TMEM132B: variants seen among roughly 807,000 people sequenced by gnomAD.
The protein encoded by TMEM132B is transmembrane protein 132B.
Under a neutral mutation model 90.8 loss-of-function variants are expected in TMEM132B, and 18 were observed. The observed-to-expected ratio is 0.20, with a 90% CI of 0.14 to 0.29. The LOEUF (loss-of-function observed/expected upper bound fraction) is 0.29. Ranked by LOEUF, TMEM132B falls within the 10% of genes least tolerant of loss-of-function variation. TMEM132B has a pLI of 1.00. For missense variants in TMEM132B, 1,096 were observed against 1,326.8 expected, an observed-to-expected ratio of 0.83 and a Z score of 2.70; for synonymous variants, 504 against 523.3, an observed-to-expected ratio of 0.96 and a Z score of 0.50.
intron 1 of TMEM132B, among the ~76,000 whole-genome samples, chr12:125,225,962 G>A (rs947782021): frequency 1.3e-5 from 2 of 152,152 alleles, no homozygotes; most frequent in Admixed American, 1.3e-4. Flanking sequence ...AGGTTTTCTA[G>A]TATAATAATT....
chr12:125,365,809 A>C (rs188267074), intron 2 of TMEM132B, among the ~76,000 whole-genome samples: 10 of 152,244 alleles, frequency 6.6e-5, no homozygotes, highest in Non-Finnish European at 1.2e-4. Context: ...ATGTGTAATT[A>C]TCAAATCAGG....
intron 2 of TMEM132B, among the ~76,000 whole-genome samples, chr12:125,413,203 A>G (rs1348512074): frequency 6.6e-6 from 1 of 152,020 alleles, no homozygotes; most frequent in Non-Finnish European, 1.5e-5. Flanking sequence ...GAACTCTACC[A>G]TGAGAGGCTG....
At chr12:125,381,260 G>A (rs1310010234) in intron 2 of TMEM132B, among the ~76,000 whole-genome samples, 3 of 152,200 alleles carry the variant, frequency 2.0e-5, no homozygotes. Flanking sequence ...GTGCACGCAA[G>A]CTGTGCATGT....
At chr12:125,533,410 C>G (rs902454192) in intron 4 of TMEM132B, among the ~76,000 whole-genome samples, 1 of 152,194 alleles carries the variant, frequency 6.6e-6, no homozygotes, top group Admixed American at 6.5e-5. Flanking sequence ...ACAGCCTCTC[C>G]CCTTCCCAGG....
At chr12:125,576,233 G>A (rs557544628) in intron 4 of TMEM132B, among the ~76,000 whole-genome samples, 15 of 151,876 alleles carry the variant, frequency 9.9e-5, no homozygotes, top group Admixed American at 3.3e-4. Flanking sequence ...TATTAATTTC[G>A]ATGCTGTTAT....
chr12:125,361,585 G>A (rs957166240), intron 2 of TMEM132B, among the ~76,000 whole-genome samples: 1 of 152,152 alleles, frequency 6.6e-6, no homozygotes, highest in African/African-American at 2.4e-5. Flanking sequence ...CAACCTTGGA[G>A]CCCAGATCAA....
chr12:125,281,948 A>G lies in TMEM132B; in HGVS notation c.68-67504A>G, dbSNP rs1875192255. 2.0e-5 allele frequency among the ~76,000 whole-genome samples: 3 copies of G among 146,410 alleles called. No homozygotes were observed. In the South Asian group the frequency reaches 6.7e-4, roughly 33 times the overall value. On this transcript the variant is annotated intron_variant, in intron 1 of 8. Transcript: ENST00000682704. ...GAGGCTGAGGCAGGAGAATGGCGTG[A>G]ACCCGGGAGGCGGAGGTTGCAGTGA...
chr12:125,390,926 G>T (rs1878991932), intron 2 of TMEM132B, among the ~76,000 whole-genome samples: 1 of 152,168 alleles, frequency 6.6e-6, no homozygotes, highest in Non-Finnish European at 1.5e-5. Context: ...GGAGTGATTT[G>T]TCATGCAGCA....
chr12:125,584,295 G>T, intron 5 of TMEM132B: 1 of 341,672 alleles, frequency 2.9e-6, no homozygotes, highest in Non-Finnish European at 5.5e-6. Flanking sequence ...ATCTTTCCTC[G>T]TAAGACAATA....
intron 5 of TMEM132B, among the ~76,000 whole-genome samples, chr12:125,604,733 G>T (rs1005149101): frequency 2.0e-5 from 3 of 152,158 alleles, no homozygotes; most frequent in African/African-American, 7.2e-5. Flanking sequence ...GGATTTTTTC[G>T]TTTTTGTAGG....
chr12:125,419,376 A>G (rs1013202059), intron 3 of TMEM132B, among the ~76,000 whole-genome samples: 14 of 152,308 alleles, frequency 9.2e-5, no homozygotes, highest in Admixed American at 4.6e-4. Context: ...AGGCCTCACA[A>G]TCATGGCTGA....
chr12:125,232,323 A>G (rs1233790512), intron 1 of TMEM132B, among the ~76,000 whole-genome samples: 1 of 152,138 alleles, frequency 6.6e-6, no homozygotes, highest in African/African-American at 2.4e-5. Context: ...GAGTGTGTCC[A>G]TTTGAAGAAG....
At chr12:125,449,032 T>C (rs976004663) in intron 3 of TMEM132B, among the ~76,000 whole-genome samples, 2 of 150,372 alleles carry the variant, frequency 1.3e-5, no homozygotes, top group Non-Finnish European at 3.0e-5. Flanking sequence ...AGTGGCGCAG[T>C]CTCGGCTCAC....
At chr12:125,508,316 G>T (rs554798506) in intron 3 of TMEM132B, among the ~76,000 whole-genome samples, 1 of 152,176 alleles carries the variant, frequency 6.6e-6, no homozygotes, top group East Asian at 1.9e-4. Flanking sequence ...GATCTTTGTA[G>T]GTCAGCCACG....
At chr12:125,520,355 T>G (rs950065151) in intron 4 of TMEM132B, among the ~76,000 whole-genome samples, 1 of 152,226 alleles carries the variant, frequency 6.6e-6, no homozygotes, top group Non-Finnish European at 1.5e-5. Flanking sequence ...CTGCCTTGAC[T>G]TTCCTGTCTG....
chr12:125,275,824 C>G (rs552586236), intron 1 of TMEM132B, among the ~76,000 whole-genome samples: 6 of 152,284 alleles, frequency 3.9e-5, no homozygotes, highest in Admixed American at 1.3e-4. Flanking sequence ...AGTAATCTCC[C>G]CATCTCAGCC....
intron 1 of TMEM132B, among the ~76,000 whole-genome samples, chr12:125,245,266 C>G (rs1593054123): frequency 1.4e-5 from 2 of 146,096 alleles, no homozygotes; most frequent in East Asian, 2.1e-4. Flanking sequence ...AGATGCCCCC[C>G]CAGGCAGCCC....
intron 1 of TMEM132B, among the ~76,000 whole-genome samples, chr12:125,221,733 A>G (rs997671250): frequency 4.6e-5 from 7 of 152,260 alleles, no homozygotes; most frequent in Admixed American, 4.6e-4. Context: ...TCATCCCTGT[A>G]GGAACAGGAG....
intron 1 of TMEM132B, among the ~76,000 whole-genome samples, chr12:125,258,002 A>G (rs913285278): frequency 3.9e-5 from 6 of 152,216 alleles, no homozygotes; most frequent in African/African-American, 1.4e-4. Context: ...TTTCAGCACA[A>G]TTTGTTACAG....
Sources: gnomAD v4.1 joint callset for allele counts (sites outside exome capture counted in the v4.1 genomes callset) on GRCh38, gnomAD v4.1.1 for gene constraint, MANE v1.5 for transcripts, NCBI Gene and HGNC (gene_info 2026-07-23, HGNC 2026-07-21) for gene names.